The following MYO7A variants were observed in gnomAD, a reference collection of about 807,000 sequenced individuals.
MYO7A encodes the protein unconventional myosin-VIIa.
Under a neutral mutation model 263.8 loss-of-function variants are expected in MYO7A, and 210 were observed. That is an observed-to-expected ratio of 0.80 (90% CI 0.71 to 0.89). MYO7A has a LOEUF of 0.89. Among genes scored for constraint, MYO7A ranks in the 40% least tolerant of loss-of-function variants. The pLI is 0.00. For missense variants in MYO7A, 2,820 were observed against 2,968.3 expected (o/e 0.95, Z 1.16); for synonymous variants, 1,239 against 1,197.3 (o/e 1.03, Z -0.72).
chr11:77,201,357 C>A (rs1038709601), intron 35 of MYO7A, 91 bp from the exon 36 acceptor site: 1 of 1,304,222 alleles, frequency 7.7e-7, no homozygotes, highest in African/African-American at 1.5e-5. Context: ...AGTGGGCAGA[C>A]ATGAGTGATA....
At position 77,192,961 on chromosome 11, in the gene MYO7A, G is replaced by GTTT. The variant is rs1565442545; in HGVS notation, c.4152+683_4152+684insTTT. ...TGATGGTGGAGGTAGTGATGGTGTT[G>GTTT]GTGATGGTGGAGGTAGTTGTGATGG... On this transcript the variant is annotated intron_variant, in intron 31 of 48. Transcript: ENST00000409709. 5.4e-3 allele frequency among the ~76,000 whole-genome samples: 226 copies of GTTT among 42,020 alleles called. 34 individuals carry two copies. The highest frequency in any genetic ancestry group is 0.027 in the African/African-American group (209 of 7,854). The allele number at this position is 42,020 out of a possible 152,430, so 27.6% of individuals were successfully genotyped here. A position where few individuals can be genotyped will look rare whatever the true frequency, so the allele number is the denominator to read the frequency against.
intron 27 of MYO7A, among the ~76,000 whole-genome samples, chr11:77,186,924 G>C (rs1450436378): frequency 2.6e-5 from 4 of 152,150 alleles, no homozygotes; most frequent in Non-Finnish European, 4.4e-5. Flanking sequence ...AGTGAAAAAT[G>C]TGCGACGCTT....
At position 77,166,049 on chromosome 11, in the gene MYO7A, C is replaced by T. The variant is rs782065076; in HGVS notation, c.1691-7C>T. The T allele has an allele frequency of 6.2e-7, 1 of 1,611,418 alleles. No homozygotes were observed. The highest frequency in any genetic ancestry group is 1.7e-5 in the Admixed American group (1 of 59,896). On this transcript the variant is annotated splice_polypyrimidine_tract_variant and splice_region_variant and intron_variant, in intron 14 of 48. Coordinates refer to ENST00000409709, the MANE Select transcript of MYO7A (RefSeq NM_000260.4). ...GGTGAGAGGTGACTGCTGTTTGCTG[C>T]TTGCAGGCTTCCTGGAGAAGAACCG...
chr11:77,140,146 T>G (rs1228187709), intron 2 of MYO7A, among the ~76,000 whole-genome samples: 2 of 152,194 alleles, frequency 1.3e-5, no homozygotes, highest in African/African-American at 4.8e-5. Context: ...ATTTTGGTTA[T>G]TTTATCTTCT....
chr11:77,148,543 C>T (rs1227117926), intron 4 of MYO7A, among the ~76,000 whole-genome samples: 6 of 152,140 alleles, frequency 3.9e-5, no homozygotes, highest in Non-Finnish European at 4.4e-5. Context: ...AGGCTGAGCT[C>T]AGAGAAGAGC....
rs1952415139 is a variant in MYO7A at position 77,155,889 on chromosome 11, A to T, written c.286-18A>T. On this transcript the variant is annotated intron_variant, in intron 4 of 48. Coordinates refer to ENST00000409709, the MANE Select transcript of MYO7A (RefSeq NM_000260.4). ...CCCACATGGAATCAGCGAGCTCCCC[A>T]TCTCTTGCTGCCCGCAGACGTATAC... is the stretch of plus-strand genomic sequence containing the variant. 2.6e-6 allele frequency: 4 copies of T among 1,567,476 alleles called. No individual in the cohort carries two copies. Among genetic ancestry groups the T allele is most frequent in the Non-Finnish European group, 3.5e-6 (4 of 1,152,966 alleles).
intron 19 of MYO7A, among the ~76,000 whole-genome samples, chr11:77,178,118 A>G (rs1954797111): frequency 7.4e-6 from 1 of 135,326 alleles, no homozygotes; most frequent in South Asian, 2.4e-4. Flanking sequence ...TTTGCAGTTC[A>G]TATGGTCACT....
intron 2 of MYO7A, chr11:77,139,614 G>A (rs1403074299): frequency 2.6e-5 from 4 of 152,152 alleles, no homozygotes; most frequent in African/African-American, 9.7e-5. Flanking sequence ...GGTCCTACCT[G>A]GAGCCTGGTT....
intron 32 of MYO7A, 26 bp from the exon 33 acceptor site, chr11:77,197,455 G>C: frequency 1.3e-6 from 2 of 1,507,548 alleles, no homozygotes; most frequent in Non-Finnish European, 1.8e-6. Flanking sequence ...GTTGTCTTCT[G>C]TCCCTCTGTC....
intron 27 of MYO7A, among the ~76,000 whole-genome samples, chr11:77,186,337 C>A (rs530675381): frequency 6.6e-6 from 1 of 152,170 alleles, no homozygotes; most frequent in Non-Finnish European, 1.5e-5. Context: ...TCTTTTGAAG[C>A]CTTGAAGCCA....
At chr11:77,156,223 T>C in intron 5 of MYO7A, 132 bp downstream of exon 5, 1 of 953,820 alleles carries the variant, frequency 1.0e-6, no homozygotes, top group South Asian at 1.6e-5. Flanking sequence ...ACCAGACCTA[T>C]GTACTCTGTG....
At chr11:77,191,084 G>A (rs572218949) in intron 30 of MYO7A, 1 of 474,092 alleles carries the variant, frequency 2.1e-6, no homozygotes, top group South Asian at 4.5e-5. Flanking sequence ...CACTTTGGGA[G>A]GCTGAGGCGG....
chr11:77,192,023 C>A, intron 30 of MYO7A, 28 bp from the exon 31 acceptor site: 1 of 1,590,880 alleles, frequency 6.3e-7, no homozygotes, highest in Non-Finnish European at 8.6e-7. Flanking sequence ...TGACTCTGTG[C>A]CTGCTCCCCT....
intron 4 of MYO7A, among the ~76,000 whole-genome samples, chr11:77,150,702 G>T (rs895712621): frequency 6.6e-6 from 1 of 152,150 alleles, no homozygotes; most frequent in Non-Finnish European, 1.5e-5. Context: ...GGGAAACCAC[G>T]CTGTGGCACC....
At chr11:77,210,942 C>G in intron 44 of MYO7A, 1 of 541,220 alleles carries the variant, frequency 1.8e-6, no homozygotes, top group Non-Finnish European at 3.3e-6. Flanking sequence ...CTCCAACTGC[C>G]AACTGCTGAG....
rs778007315 is a variant in MYO7A at position 77,199,698 on chromosome 11, G to A, written c.4732G>A (p.Asp1578Asn). Residue 1578 changes from aspartate (D) to asparagine (N), a missense_variant, in exon 35 of 49, where the codon GAC becomes AAC. Coordinates refer to ENST00000409709, the MANE Select transcript of MYO7A (RefSeq NM_000260.4). ...CTTCACGCTGGCCACCATCAAGGGGGACGAATACACCTTCACCTCCAGCAA... is the reference window on the plus strand; with the variant it reads ...CTTCACGCTGGCCACCATCAAGGGGAACGAATACACCTTCACCTCCAGCAA... ...PSFTLATIKG[D>N]EYTFTSSNAE... The A allele has an allele frequency of 6.2e-7, 1 of 1,613,666 alleles. No homozygotes were observed. Among genetic ancestry groups the A allele is most frequent in the Non-Finnish European group, 8.5e-7 (1 of 1,179,852 alleles).
Position 77,198,964 on chromosome 11 carries a change from A to G in MYO7A, c.4568+343A>G, listed in dbSNP as rs569256124. Among the ~76,000 whole-genome samples, 12 of 152,356 alleles carry G rather than the reference A, an allele frequency of 7.9e-5. No individual in the cohort carries two copies. In the South Asian group the frequency reaches 2.5e-3, roughly 32 times the overall value. On this transcript the variant is annotated intron_variant, in intron 34 of 48. Coordinates refer to ENST00000409709, the MANE Select transcript of MYO7A (RefSeq NM_000260.4). ...ACAGGAGTCTTAATACTTTTCTCGC[A>G]TAACAGTGGTGGGGAATGAATGCAA...
Position 77,208,853 on chromosome 11 carries a change from T to C in MYO7A, c.6051+50T>C, listed in dbSNP as rs1009728124. ...CCTTCGTGCACAGCTAGCGTTGCTGTACTTTGGCCCTGAAAGCAGAGACCC... is the reference window on the plus strand; with the variant it reads ...CCTTCGTGCACAGCTAGCGTTGCTGCACTTTGGCCCTGAAAGCAGAGACCC... On this transcript the variant is annotated intron_variant, in intron 44 of 48. Transcript: ENST00000409709. 5 of 1,418,406 alleles carry C rather than the reference T, an allele frequency of 3.5e-6. No individual in the cohort carries two copies. The East Asian group carries it at 1.2e-4, about 35-fold the overall frequency. 87.9% of individuals were successfully genotyped at this position (1,418,406 alleles called of 1,614,324 possible).
chr11:77,200,979 G>T (rs1027526118), intron 35 of MYO7A, among the ~76,000 whole-genome samples: 10 of 152,256 alleles, frequency 6.6e-5, no homozygotes, highest in Admixed American at 3.3e-4. Context: ...TGACAGTGCA[G>T]TGAGCAGGGA....
Sources: allele counts gnomAD v4.1 joint callset (sites outside exome capture counted in the v4.1 genomes callset), GRCh38; gene constraint gnomAD v4.1.1; transcripts MANE v1.5; gene names NCBI Gene and HGNC (gene_info 2026-07-23, HGNC 2026-07-21).